Variants in ZNF592 observed in about 807,000 individuals in gnomAD.
ZNF592 encodes spinocerebellar ataxia, autosomal recessive 5.
In ZNF592, 11 loss-of-function variants were observed where a neutral mutation model predicts 80.3. The observed-to-expected ratio is 0.14, with a 90% confidence interval of 0.09 to 0.23. The LOEUF (loss-of-function observed/expected upper bound fraction) is 0.23, where lower values mean the gene tolerates loss of function less well. ZNF592 is among the 10% of genes least tolerant of loss of function. The pLI is 1.00. For missense variants in ZNF592, 1,420 were observed against 1,633.9 expected, an observed-to-expected ratio of 0.87 and a Z score of 2.26; for synonymous variants, 646 against 640.3, an observed-to-expected ratio of 1.01 and a Z score of -0.13.
rs373936430 is a variant in ZNF592 at position 84,802,180 on chromosome 15, G to A, written c.3591G>A (p.Glu1197=). 6.9e-6 allele frequency: 11 copies of A among 1,603,304 alleles called. No homozygotes were observed. In the African/African-American group the frequency reaches 1.2e-4, roughly 18 times the overall value. ...CGGCGGCAGCGGAGATGGCAGTGGA[G>A]GTGGCAGAGCCAGAGGAGGGCTCCG... is the stretch of plus-strand genomic sequence containing the variant. ...EEAAAAEMAV[E]VAEPEEGSGE... The change falls in exon 11 of 11, where the codon GAG becomes GAA. Residue 1197 remains glutamate (E), a synonymous_variant. Coordinates refer to ENST00000560079, the MANE Select transcript of ZNF592 (RefSeq NM_014630.3).
Position 84,798,642 on chromosome 15 carries a change from G to C in ZNF592, c.2791G>C (p.Ala931Pro), listed in dbSNP as rs1962997291. The change falls in exon 8 of 11, where the codon GCG (alanine) becomes CCG (proline). Residue 931 changes from alanine (A) to proline (P), a missense_variant. Coordinates refer to ENST00000560079, the MANE Select transcript of ZNF592 (RefSeq NM_014630.3). The surrounding 1 kb of genome is among the most constrained non-coding windows in gnomAD (Gnocchi z 4.5). ...VDELSSLQSSADTSSSRPGSR... is the reference protein window; with the variant it reads ...VDELSSLQSSPDTSSSRPGSR... ...CGAGCTGTCAAGCCTCCAGTCTTCA[G>C]CGGACACATCCTCAAGCCGCCCTGG... 1.2e-6 allele frequency: 2 copies of C among 1,614,018 alleles called. No homozygotes were observed. The highest frequency in any genetic ancestry group is 1.7e-6 in the Non-Finnish European group (2 of 1,180,030).
chr15:84,788,014 G>T (rs1488341123), intron 4 of ZNF592, among the ~76,000 whole-genome samples: 1 of 152,042 alleles, frequency 6.6e-6, no homozygotes, highest in Non-Finnish European at 1.5e-5. Flanking sequence ...CCAGAACTTT[G>T]AGTTTTACTG....
intron 1 of ZNF592, among the ~76,000 whole-genome samples, chr15:84,762,414 C>T (rs537924149): frequency 2.0e-5 from 3 of 152,190 alleles, no homozygotes; most frequent in South Asian, 2.1e-4. Flanking sequence ...GAGGGAGCCA[C>T]GCAGATATCT....
chr15:84,802,569 G>A lies in ZNF592; in HGVS notation c.*176G>A, dbSNP rs1004457288. The A allele has an allele frequency of 6.9e-6, 5 of 725,646 alleles. No individual in the cohort carries two copies. The African/African-American group carries it at 8.8e-5, about 13-fold the overall frequency. 45.0% of individuals were successfully genotyped at this position (725,646 alleles called of 1,614,324 possible). A position where few individuals can be genotyped will look rare whatever the true frequency, so the allele number is the denominator to read the frequency against. On this transcript the variant is annotated 3_prime_UTR_variant, in exon 11 of 11. Coordinates refer to ENST00000560079, the MANE Select transcript of ZNF592 (RefSeq NM_014630.3). ...GTATCCCCCAGCCCCAGGAAATGTG[G>A]GGTCGGCCAGGACCCTCACAGCTCT...
chr15:84,762,201 A>C (rs1899372411), intron 1 of ZNF592, among the ~76,000 whole-genome samples: 1 of 152,258 alleles, frequency 6.6e-6, no homozygotes, highest in South Asian at 2.1e-4. Flanking sequence ...TTACTCTTAT[A>C]GGGCTCATTC....
rs772760247 is a variant in ZNF592, at chr15:84,783,719, C to T, written c.1044C>T (p.Ser348=). ...ATRKSIKPSD[S]PRSICSDSSS... ...GAAAAAGTATCAAGCCATCGGACAG[C>T]CCTCGTAGCATCTGCAGTGACAGCA... Residue 348 remains serine (S), a synonymous_variant, in exon 4 of 11, where the codon AGC becomes AGT. Transcript: ENST00000560079. This position sits in a 1 kb window ranked among gnomAD's most constrained non-coding sequence, Gnocchi z 5.0. The T allele has an allele frequency of 6.2e-7, 1 of 1,614,266 alleles. No individual in the cohort carries two copies. Among genetic ancestry groups the T allele is most frequent in the Non-Finnish European group, 8.5e-7 (1 of 1,180,056 alleles).
intron 2 of ZNF592, among the ~76,000 whole-genome samples, chr15:84,767,056 G>A (rs181031344): frequency 3.9e-5 from 6 of 152,234 alleles, no homozygotes; most frequent in Non-Finnish European, 7.4e-5. Context: ...ATGCAGTGGC[G>A]TGATCTCGGC....
chr15:84,785,889 C>T (rs1029456914), intron 4 of ZNF592, among the ~76,000 whole-genome samples: 2 of 151,372 alleles, frequency 1.3e-5, no homozygotes, highest in African/African-American at 4.8e-5. Context: ...AAGCCTTCTG[C>T]GCTGAGAATA....
rs1039966502 is a variant in ZNF592 at position 84,798,998 on chromosome 15, G to A, written c.3025-100G>A. ...GGGTACCACAGATCTTGAGGTCTTC[G>A]GGAGTATCCTCCTTTCTGCCCATGG... On this transcript the variant is annotated intron_variant, in intron 8 of 10. Transcript: ENST00000560079. This position sits in a 1 kb window ranked among gnomAD's most constrained non-coding sequence, Gnocchi z 4.5. 91 of 1,588,284 alleles carry A rather than the reference G, an allele frequency of 5.7e-5. No homozygotes were observed. Among genetic ancestry groups the A allele is most frequent in the Middle Eastern group, 5.0e-4 (3 of 5,980 alleles).
rs910044342 is a variant in ZNF592 at position 84,802,381 on chromosome 15, C to T, written c.3792C>T (p.Ser1264=). 6 of 1,613,578 alleles carry T rather than the reference C, an allele frequency of 3.7e-6. No individual in the cohort carries two copies. The Admixed American group carries it at 1.0e-4, about 27-fold the overall frequency. The part of the protein sequence containing the change: ...ASQDQDSHTL[S]PQV ...AGGACCAGGACAGCCACACACTGTC[C>T]CCTCAGGTGTGACCGGAGACTTTGC... The change falls in exon 11 of 11, where the codon TCC becomes TCT. Residue 1264 remains serine (S), a synonymous_variant. Transcript: ENST00000560079.
At position 84,805,663 on chromosome 15, in the gene ZNF592, C is replaced by G. The variant is rs1963218987; in HGVS notation, c.*3270C>G. 1 of 152,616 alleles carries G rather than the reference C, an allele frequency of 6.6e-6. No individual in the cohort carries two copies. Among genetic ancestry groups the G allele is most frequent in the South Asian group, 2.1e-4 (1 of 4,826 alleles). The allele number at this position is 152,616 out of a possible 1,614,324, so 9.5% of individuals were successfully genotyped here. ...GTGGCCCAGTAAGCTCAACACTTTG[C>G]CTTCCCCAAGACTGGGGAACCTCTG... On this transcript the variant is annotated 3_prime_UTR_variant, in exon 11 of 11. Coordinates refer to ENST00000560079, the MANE Select transcript of ZNF592 (RefSeq NM_014630.3).
chr15:84,774,300 A>C (rs1483140091), intron 2 of ZNF592, among the ~76,000 whole-genome samples: 1 of 152,264 alleles, frequency 6.6e-6, no homozygotes, highest in Non-Finnish European at 1.5e-5. Flanking sequence ...TGAATGAAAT[A>C]GATAAGCCTC....
rs555500406 is a variant in ZNF592, at chr15:84,796,068, A to G, written c.2400-1801A>G. On this transcript the variant is annotated intron_variant, in intron 5 of 10. Transcript: ENST00000560079. Reference sequence around the variant, plus strand: ...GAAACCCCGTCTCTACTAAAAATACAAAAGTAAGCCGGGTGTGGTTGCAGG... The same window carrying G: ...GAAACCCCGTCTCTACTAAAAATACGAAAGTAAGCCGGGTGTGGTTGCAGG... Among the ~76,000 whole-genome samples, 3 of 151,276 alleles carry G rather than the reference A, an allele frequency of 2.0e-5. No homozygotes were observed. The South Asian group carries it at 6.3e-4, about 32-fold the overall frequency.
At chr15:84,787,146 C>G (rs1962613364) in intron 4 of ZNF592, among the ~76,000 whole-genome samples, 1 of 152,158 alleles carries the variant, frequency 6.6e-6, no homozygotes, top group Non-Finnish European at 1.5e-5. Flanking sequence ...GCCATCACAC[C>G]CGCCTCCTTG....
In ZNF592 at chr15:84,799,836, C is replaced by T. The variant is rs1963039913; in HGVS notation, c.3138-6C>T. The T allele has an allele frequency of 1.2e-6, 2 of 1,613,906 alleles. No individual in the cohort carries two copies. The highest frequency in any genetic ancestry group is 2.7e-5 in the African/African-American group (2 of 74,938). ...CTTACCTGACCTCTCCGCTGTGCTT[C>T]TGCAGGTACTGCACAGAGGACAGCC... On this transcript the variant is annotated splice_region_variant and splice_polypyrimidine_tract_variant and intron_variant, in intron 9 of 10. Coordinates refer to ENST00000560079, the MANE Select transcript of ZNF592 (RefSeq NM_014630.3). This position sits in a 1 kb window ranked among gnomAD's most constrained non-coding sequence, Gnocchi z 4.2.
chr15:84,800,127 C>CT (rs1963049047), intron 10 of ZNF592, 150 bp downstream of exon 10: 1 of 1,221,982 alleles, frequency 8.2e-7, no homozygotes. Flanking sequence ...TGTGACCCGC[C>CT]TGGCACTGGA....
At chr15:84,792,803 T>C (rs773856989) in intron 5 of ZNF592, among the ~76,000 whole-genome samples, 10 of 152,166 alleles carry the variant, frequency 6.6e-5, no homozygotes, top group Non-Finnish European at 1.3e-4. Context: ...TTATGGAGGA[T>C]GGAGTATCTA....
At position 84,802,218 on chromosome 15, in the gene ZNF592, C is replaced by T. The variant is rs559406530; in HGVS notation, c.3629C>T (p.Pro1210Leu). The stretch of plus-strand genomic sequence containing the variant: ...GAGGAGGGCTCCGGGGAGGAGGTGC[C>T]CATGGAGACTAGAGAGAATGGACTG... ...EPEEGSGEEV[P>L]METRENGLEE... is the part of the protein sequence containing the mutation. The change falls in exon 11 of 11, where the codon CCC becomes CTC. Residue 1210 changes from proline (P) to leucine (L), a missense_variant. Transcript: ENST00000560079. 307 of 1,599,314 alleles carry T rather than the reference C, an allele frequency of 1.9e-4. 1 individual carries two copies. The East Asian group carries it at 6.4e-3, about 33-fold the overall frequency.
intron 2 of ZNF592, among the ~76,000 whole-genome samples, chr15:84,765,951 A>C (rs1417756542): frequency 1.3e-5 from 2 of 151,836 alleles, no homozygotes; most frequent in Non-Finnish European, 1.5e-5. Flanking sequence ...GAAAAAAAAT[A>C]TGATAAACCT....
Sources: gnomAD v4.1 joint callset for allele counts (sites outside exome capture counted in the v4.1 genomes callset) on GRCh38, gnomAD v4.1.1 for gene constraint, Gnocchi (gnomAD v3.1) non-coding constraint, MANE v1.5 for transcripts, NCBI Gene and HGNC (gene_info 2026-07-23, HGNC 2026-07-21) for gene names.